EIF2AK4: variants seen among roughly 807,000 people sequenced by gnomAD.
EIF2AK4 encodes eukaryotic translation initiation factor 2 alpha kinase 4.
A neutral mutation model predicts 211.1 loss-of-function variants in EIF2AK4; 139 were observed. The observed-to-expected ratio is 0.66, with a 90% CI of 0.57 to 0.76. The LOEUF is 0.76. Ranked by LOEUF, EIF2AK4 falls within the 30% of genes least tolerant of loss-of-function variation. The pLI, the probability that EIF2AK4 is intolerant of heterozygous loss-of-function variation, is 0.00. For synonymous variants in EIF2AK4, 710 were observed against 751.3 expected (o/e 0.94, Z 0.90); for missense variants, 1,664 against 2,043.8 (o/e 0.81, Z 3.58).
Position 39,985,826 on chromosome 15 carries a change from A to G in EIF2AK4, c.2341A>G (p.Asn781Asp). ...TTAGGATGAAGATTGCAATGAAAAG[A>G]ATGGCTGCCATGAAAGTGAGCCATC... is the stretch of plus-strand genomic sequence containing the variant. Reference protein sequence around the residue: ...QNQDEDCNEKNGCHESEPSVT... With the variant: ...QNQDEDCNEKDGCHESEPSVT... The change falls in exon 14 of 39, where the codon AAT (asparagine) becomes GAT (aspartate). Residue 781 changes from asparagine to aspartate, a missense_variant. Coordinates refer to ENST00000263791, the MANE Select transcript of EIF2AK4 (RefSeq NM_001013703.4). 3 of 1,614,108 alleles carry G rather than the reference A, an allele frequency of 1.9e-6. No homozygotes were observed. Among genetic ancestry groups the G allele is most frequent in the Non-Finnish European group, 2.5e-6 (3 of 1,179,988 alleles).
chr15:39,972,717 C>T (rs570911347), intron 9 of EIF2AK4, among the ~76,000 whole-genome samples, 191 bp from the exon 10 acceptor site: 33 of 152,088 alleles, frequency 2.2e-4, no homozygotes, highest in African/African-American at 6.5e-4. Flanking sequence ...CCCAGCCTGT[C>T]GCATAGCATG....
chr15:39,978,140 A>G lies in EIF2AK4; in HGVS notation c.2312A>G (p.Gln771Arg). The change falls in exon 13 of 39, where the codon CAG becomes CGG. Residue 771 changes from glutamine (Q) to arginine (R), a missense_variant. Around this residue, in one of 7 missense-constraint regions of EIF2AK4, gnomAD observed 206 missense variants for 201.9 expected, o/e 1.02. Coordinates refer to ENST00000263791, the MANE Select transcript of EIF2AK4 (RefSeq NM_001013703.4). ...AATGAAGATGAGAACAGTAAAAGTC[A>G]GAATCAGGTATATATATGAATAGAA... ...FDNEDENSKSQNQDEDCNEKN... is the reference protein window; with the variant it reads ...FDNEDENSKSRNQDEDCNEKN... The G allele has an allele frequency of 6.4e-7, 1 of 1,554,908 alleles. No individual in the cohort carries two copies. The highest frequency in any genetic ancestry group is 8.8e-7 in the Non-Finnish European group (1 of 1,134,876).
chr15:39,977,740 A>G (rs577496422), intron 12 of EIF2AK4: 77 of 170,020 alleles, frequency 4.5e-4, no homozygotes, highest in Non-Finnish European at 7.4e-4. Context: ...TACCAAACCA[A>G]TAATTATGAT....
intron 9 of EIF2AK4, 101 bp downstream of exon 9, chr15:39,967,980 A>G: frequency 8.1e-7 from 1 of 1,230,426 alleles, no homozygotes; most frequent in Non-Finnish European, 1.1e-6. Flanking sequence ...CTGAGAAGTG[A>G]GGAACAGGAC....
intron 21 of EIF2AK4, 98 bp from the exon 22 acceptor site, chr15:40,002,615 A>G: frequency 7.9e-7 from 1 of 1,264,446 alleles, no homozygotes; most frequent in Admixed American, 1.8e-5. Flanking sequence ...GAACCTGGAA[A>G]TAAGCAGTGT....
intron 6 of EIF2AK4, among the ~76,000 whole-genome samples, chr15:39,959,588 C>T (rs1483810814): frequency 6.6e-6 from 1 of 152,302 alleles, no homozygotes; most frequent in East Asian, 1.9e-4. Flanking sequence ...GGGTGATTCA[C>T]ATTCTAAAAC....
chr15:39,968,876 A>ATATATATATATG (rs2034581489), intron 9 of EIF2AK4, among the ~76,000 whole-genome samples: 1 of 119,140 alleles, frequency 8.4e-6, no homozygotes, highest in Non-Finnish European at 2.1e-5. Flanking sequence ...TGAATATGAT[A>ATATATATATATG]TATATATATA....
chr15:39,935,488 C>G (rs990365391), intron 1 of EIF2AK4, among the ~76,000 whole-genome samples: 1 of 152,078 alleles, frequency 6.6e-6, no homozygotes, highest in Non-Finnish European at 1.5e-5. Flanking sequence ...TGCCACTACA[C>G]CTGGTTAATT....
chr15:40,019,833 A>T (rs1390261451), intron 30 of EIF2AK4, among the ~76,000 whole-genome samples: 2 of 152,146 alleles, frequency 1.3e-5, no homozygotes, highest in South Asian at 2.1e-4. Flanking sequence ...TATAAATGTG[A>T]GATGTTATAG....
chr15:40,033,519 A>T (rs983669428), intron 37 of EIF2AK4, among the ~76,000 whole-genome samples: 11 of 152,202 alleles, frequency 7.2e-5, no homozygotes, highest in Non-Finnish European at 1.6e-4. Flanking sequence ...TGACTTTTGC[A>T]ACATGTCATA....
intron 1 of EIF2AK4, among the ~76,000 whole-genome samples, chr15:39,936,762 G>A (rs1182484677): frequency 6.6e-6 from 1 of 152,166 alleles, no homozygotes; most frequent in Non-Finnish European, 1.5e-5. Flanking sequence ...AAGTGCTTCT[G>A]TTCACGTTTA....
At chr15:40,005,860 C>T (rs779376684) in intron 23 of EIF2AK4, among the ~76,000 whole-genome samples, 181 of 152,080 alleles carry the variant, frequency 1.2e-3, no homozygotes, top group Middle Eastern at 3.4e-3. Flanking sequence ...CGTGAGCCAC[C>T]GCACCCGGCC....
intron 29 of EIF2AK4, among the ~76,000 whole-genome samples, chr15:40,017,501 C>CTTTTTATATATA (rs1363648720): frequency 1.1e-4 from 3 of 26,130 alleles, no homozygotes; most frequent in African/African-American, 4.7e-4. Context: ...TACTCTGTTT[C>CTTTTTATATATA]TATATATATA....
At chr15:39,972,367 A>G (rs531569801) in intron 9 of EIF2AK4, among the ~76,000 whole-genome samples, 3 of 150,656 alleles carry the variant, frequency 2.0e-5, no homozygotes, top group African/African-American at 7.3e-5. Context: ...AAAAAAAAGC[A>G]TAAACCAATT....
chr15:40,005,988 A>T (rs1248195841), intron 23 of EIF2AK4, among the ~76,000 whole-genome samples: 1 of 152,090 alleles, frequency 6.6e-6, no homozygotes, highest in African/African-American at 2.4e-5. Context: ...AAAAAAATTC[A>T]CAAAGCTCCA....
chr15:39,991,375 A>G (rs1239806536), intron 16 of EIF2AK4: 2 of 152,288 alleles, frequency 1.3e-5, no homozygotes, highest in Non-Finnish European at 2.9e-5. Context: ...AGGCTGTAGC[A>G]TAGTGAGATA....
intron 27 of EIF2AK4, among the ~76,000 whole-genome samples, chr15:40,013,964 G>T (rs1277313672): frequency 6.6e-6 from 1 of 152,242 alleles, no homozygotes; most frequent in East Asian, 1.9e-4. Context: ...TCAAAAACAA[G>T]TGAGTTACTT....
At chr15:39,973,477 A>G in intron 10 of EIF2AK4, 115 bp from the exon 11 acceptor site, 1 of 1,134,626 alleles carries the variant, frequency 8.8e-7, no homozygotes, top group South Asian at 1.6e-5. Flanking sequence ...GTAAGAGGTA[A>G]TTTTTCAAAC....
At position 39,976,614 on chromosome 15, in the gene EIF2AK4, G is replaced by T. The variant is rs779479948; in HGVS notation, c.2019G>T (p.Gly673=). 1.9e-5 allele frequency: 30 copies of T among 1,607,656 alleles called. No individual in the cohort carries two copies. Among genetic ancestry groups the T allele is most frequent in the Non-Finnish European group, 2.5e-5 (29 of 1,177,866 alleles). Residue 673 remains glycine (G), a synonymous_variant, in exon 12 of 39, where the codon GGG becomes GGT. Coordinates refer to ENST00000263791, the MANE Select transcript of EIF2AK4 (RefSeq NM_001013703.4). The part of the protein sequence containing the change: ...AGPGTPPPDS[G]PLAKDDRAAR... ...CGGGGACGCCGCCCCCGGACTCCGG[G>T]CCCCTGGCCAAGGATGACCGAGCTG... is the stretch of plus-strand genomic sequence containing the variant.
Sources: allele counts gnomAD v4.1 joint callset (sites outside exome capture counted in the v4.1 genomes callset), GRCh38; gene constraint gnomAD v4.1.1; regional missense constraint gnomAD v4.1.1; transcripts MANE v1.5; gene names NCBI Gene and HGNC (gene_info 2026-07-23, HGNC 2026-07-21).